Variants in CCR2 observed in about 807,000 individuals in gnomAD.
The protein encoded by CCR2 is C-C motif chemokine receptor 2, also known as C-C chemokine receptor type 2.
For synonymous variants in CCR2, 183 were observed against 177.1 expected (o/e 1.03, Z -0.27); for missense variants, 408 against 440.0 (o/e 0.93, Z 0.65).
Position 46,359,641 on chromosome 3 carries a change from C to G in CCR2, c.*1031C>G, listed in dbSNP as rs1227540393. ...TTGTTTTGTGCTTGCTTTTCCCTGC[C>G]TTGCCACTCCCCTCACTCTTCTCTT... On this transcript the variant is annotated 3_prime_UTR_variant, in exon 2 of 2. Coordinates refer to ENST00000445132, the MANE Select transcript of CCR2 (RefSeq NM_001123396.4). The G allele has an allele frequency of 6.3e-7, 1 of 1,584,746 alleles. No individual in the cohort carries two copies. Among genetic ancestry groups the G allele is most frequent in the African/African-American group, 1.4e-5 (1 of 73,192 alleles).
At chr3:46,357,452 T>G (rs549709222) in intron 1 of CCR2, 25 bp from the exon 2 acceptor site, 1 of 1,473,998 alleles carries the variant, frequency 6.8e-7, no homozygotes, top group South Asian at 1.3e-5. Context: ...TGTTGTGTGG[T>G]CATCATTTTG....
Position 46,357,764 on chromosome 3 carries a change from T to C in CCR2, c.237T>C (p.Ile79=). Residue 79 remains isoleucine (I), a synonymous_variant, in exon 2 of 2, where the codon ATT becomes ATC. Transcript: ENST00000445132. The stretch of plus-strand genomic sequence containing the variant: ...AAAAGCTGAAGTGCTTGACTGACAT[T>C]TACCTGCTCAACCTGGCCATCTCTG... ...NCKKLKCLTD[I]YLLNLAISDL... is the part of the protein sequence containing the mutation. The C allele has an allele frequency of 6.2e-7, 1 of 1,614,192 alleles. No homozygotes were observed. Among genetic ancestry groups the C allele is most frequent in the Non-Finnish European group, 8.5e-7 (1 of 1,180,022 alleles).
At position 46,359,513 on chromosome 3, in the gene CCR2, G is replaced by C; in HGVS notation, c.*903G>C. The C allele has an allele frequency of 2.0e-6, 2 of 976,672 alleles. No homozygotes were observed. Among genetic ancestry groups the C allele is most frequent in the Non-Finnish European group, 2.9e-6 (2 of 687,756 alleles). The allele number at this position is 976,672 out of a possible 1,614,324, so 60.5% of individuals were successfully genotyped here. ...TCACCAGGAGCAAAGGACGGGGATC[G>C]TGTGGAACCACTGCAGAACTATTTC... is the stretch of plus-strand genomic sequence containing the variant. On this transcript the variant is annotated 3_prime_UTR_variant, in exon 2 of 2. Transcript: ENST00000445132.
At chr3:46,357,422 A>C in intron 1 of CCR2, 55 bp from the exon 2 acceptor site, 2 of 1,239,726 alleles carry the variant, frequency 1.6e-6, no homozygotes, top group Non-Finnish European at 1.1e-6. Flanking sequence ...TATTTGGAAG[A>C]TCATGGATTG....
Position 46,357,914 on chromosome 3 carries a change from C to T in CCR2, c.387C>T (p.Phe129=). 6.2e-7 allele frequency: 1 copy of T among 1,614,172 alleles called. No homozygotes were observed. The highest frequency in any genetic ancestry group is 8.5e-7 in the Non-Finnish European group (1 of 1,180,020). The change falls in exon 2 of 2, where the codon TTC becomes TTT. Residue 129 remains phenylalanine, a synonymous_variant. Coordinates refer to ENST00000445132, the MANE Select transcript of CCR2 (RefSeq NM_001123396.4). ...LYHIGYFGGI[F]FIILLTIDRY... ...ACATCGGTTATTTTGGCGGAATCTT[C>T]TTCATCATCCTCCTGACAATCGATA...
At position 46,357,933 on chromosome 3, in the gene CCR2, A is replaced by G. The variant is rs796453205; in HGVS notation, c.406A>G (p.Ile136Val). 1 of 1,614,094 alleles carries G rather than the reference A, an allele frequency of 6.2e-7. No individual in the cohort carries two copies. The highest frequency in any genetic ancestry group is 2.2e-5 in the East Asian group (1 of 44,890). ...GGIFFIILLT[I>V]DRYLAIVHAV... is the part of the protein sequence containing the mutation. Reference sequence around the variant, plus strand: ...AATCTTCTTCATCATCCTCCTGACAATCGATAGATACCTGGCTATTGTCCA... The same window carrying G: ...AATCTTCTTCATCATCCTCCTGACAGTCGATAGATACCTGGCTATTGTCCA... Residue 136 changes from isoleucine (I) to valine (V), a missense_variant, in exon 2 of 2, where the codon ATC (isoleucine) becomes GTC (valine). Coordinates refer to ENST00000445132, the MANE Select transcript of CCR2 (RefSeq NM_001123396.4).
In CCR2 at chr3:46,358,905, C is replaced by G; in HGVS notation, c.*295C>G. The G allele has an allele frequency of 9.0e-7, 1 of 1,113,292 alleles. No homozygotes were observed. The highest frequency in any genetic ancestry group is 1.1e-6 in the Non-Finnish European group (1 of 900,004). The allele number at this position is 1,113,292 out of a possible 1,614,324, so 69.0% of individuals were successfully genotyped here. A position where few individuals can be genotyped will look rare whatever the true frequency, so the allele number is the denominator to read the frequency against. On this transcript the variant is annotated 3_prime_UTR_variant, in exon 2 of 2. Coordinates refer to ENST00000445132, the MANE Select transcript of CCR2 (RefSeq NM_001123396.4). ...TTTTCTAGTCTTCATAATTTCTTCA[C>G]TCAATCTCTGATTCTGTCAATGTCT...
chr3:46,355,588 G>C (rs1201248626), intron 1 of CCR2, among the ~76,000 whole-genome samples: 1 of 152,192 alleles, frequency 6.6e-6, no homozygotes, highest in Non-Finnish European at 1.5e-5. Context: ...GATAGGTTGA[G>C]AGGGAACATG....
chr3:46,357,177 C>A (rs1030148922), intron 1 of CCR2, among the ~76,000 whole-genome samples: 5 of 152,204 alleles, frequency 3.3e-5, no homozygotes, highest in African/African-American at 1.2e-4. Context: ...GAGTCACAGA[C>A]CTATGCACCA....
In CCR2 at chr3:46,358,520, A is replaced by G; in HGVS notation, c.993A>G (p.Gln331=). ...RKHITKRFCK[Q]CPVFYRETVD... ...ACATCACCAAGCGCTTCTGCAAACA[A>G]TGTCCAGTTTTCTACAGGGAGACAG... The change falls in exon 2 of 2, where the codon CAA becomes CAG. Residue 331 remains glutamine, a synonymous_variant. Transcript: ENST00000445132. 1.2e-6 allele frequency: 2 copies of G among 1,613,328 alleles called. No homozygotes were observed. The highest frequency in any genetic ancestry group is 1.7e-5 in the Admixed American group (1 of 59,996).
In CCR2 at chr3:46,359,653, C is replaced by G; in HGVS notation, c.*1043C>G. The G allele has an allele frequency of 1.3e-6, 2 of 1,599,380 alleles. No homozygotes were observed. The highest frequency in any genetic ancestry group is 3.6e-5 in the Admixed American group (2 of 56,028). ...TGCTTTTCCCTGCCTTGCCACTCCC[C>G]TCACTCTTCTCTTTTCCCCACAGCC... On this transcript the variant is annotated 3_prime_UTR_variant, in exon 2 of 2. Coordinates refer to ENST00000445132, the MANE Select transcript of CCR2 (RefSeq NM_001123396.4).
chr3:46,354,439 A>T (rs3918362), intron 1 of CCR2, among the ~76,000 whole-genome samples: 8,633 of 152,230 alleles, frequency 0.057, 388 homozygotes, highest in South Asian at 0.2. Context: ...CTCAGTCACC[A>T]GTCCACACAC....
intron 1 of CCR2, 58 bp from the exon 2 acceptor site, chr3:46,357,419 A>G: frequency 8.3e-7 from 1 of 1,206,818 alleles, no homozygotes; most frequent in Non-Finnish European, 1.2e-6. Context: ...GACTATTTGG[A>G]AGATCATGGA....
Position 46,358,755 on chromosome 3 carries a change from C to T in CCR2, c.*145C>T, listed in dbSNP as rs1038923891. The T allele has an allele frequency of 4.0e-5, 57 of 1,440,182 alleles. No homozygotes were observed. In the South Asian group the frequency reaches 8.4e-4, roughly 21 times the overall value. The allele number at this position is 1,440,182 out of a possible 1,614,324, so 89.2% of individuals were successfully genotyped here. A position where few individuals can be genotyped will look rare whatever the true frequency, so the allele number is the denominator to read the frequency against. ...CTGTGTGTACTAATACAGACTATGT[C>T]ACCCAATGCATATCCAACATGTGCT... On this transcript the variant is annotated 3_prime_UTR_variant, in exon 2 of 2. Transcript: ENST00000445132.
chr3:46,360,858 G>A lies in CCR2; in HGVS notation c.*2248G>A, dbSNP rs1701539365. 1 of 152,246 alleles carries A rather than the reference G, an allele frequency of 6.6e-6. No individual in the cohort carries two copies. Among genetic ancestry groups the A allele is most frequent in the Non-Finnish European group, 1.5e-5 (1 of 68,040 alleles). The allele number at this position is 152,246 out of a possible 1,614,324, so 9.4% of individuals were successfully genotyped here. A position where few individuals can be genotyped will look rare whatever the true frequency, so the allele number is the denominator to read the frequency against. On this transcript the variant is annotated 3_prime_UTR_variant, in exon 2 of 2. Coordinates refer to ENST00000445132, the MANE Select transcript of CCR2 (RefSeq NM_001123396.4). Reference sequence around the variant, plus strand: ...CATAAAATGTTAAGTTGATGGTGATGAAATGTAAATACTGTTTTTAACAAC... The same window carrying A: ...CATAAAATGTTAAGTTGATGGTGATAAAATGTAAATACTGTTTTTAACAAC...
rs1701518781 is a variant in CCR2, at chr3:46,359,724, C to T, written c.*1114C>T. The T allele has an allele frequency of 6.2e-7, 1 of 1,613,876 alleles. No homozygotes were observed. Among genetic ancestry groups the T allele is most frequent in the Admixed American group, 1.7e-5 (1 of 59,972 alleles). ...TGTAGGATTGCCCCACTCCAAAAAC[C>T]AGTGTGTGGAGGTCCAGGAGTGAGA... is the stretch of plus-strand genomic sequence containing the variant. On this transcript the variant is annotated 3_prime_UTR_variant, in exon 2 of 2. Coordinates refer to ENST00000445132, the MANE Select transcript of CCR2 (RefSeq NM_001123396.4).
Position 46,358,489 on chromosome 3 carries a change from G to T in CCR2, c.962G>T (p.Arg321Leu). The change falls in exon 2 of 2, where the codon CGA becomes CTA. Residue 321 changes from arginine to leucine, a missense_variant. Transcript: ENST00000445132. ...KFRRYLSVFF[R>L]KHITKRFCKQ... ...AGAAGGTATCTCTCGGTGTTCTTCC[G>T]AAAGCACATCACCAAGCGCTTCTGC... 2.0e-5 allele frequency: 32 copies of T among 1,613,422 alleles called. No homozygotes were observed. Among genetic ancestry groups the T allele is most frequent in the Non-Finnish European group, 2.6e-5 (31 of 1,179,980 alleles).
At chr3:46,355,967 A>C (rs1285412875) in intron 1 of CCR2, among the ~76,000 whole-genome samples, 1 of 152,252 alleles carries the variant, frequency 6.6e-6, no homozygotes, top group Non-Finnish European at 1.5e-5. Context: ...GCAATGCCCA[A>C]TTTTGCTTCT....
Position 46,357,940 on chromosome 3 carries a change from G to A in CCR2, c.413G>A (p.Arg138Lys), listed in dbSNP as rs778154963. The change falls in exon 2 of 2, where the codon AGA becomes AAA. Residue 138 changes from arginine (R) to lysine (K), a missense_variant. By Grantham distance (26) the Arg-to-Lys change is conservative. Coordinates refer to ENST00000445132, the MANE Select transcript of CCR2 (RefSeq NM_001123396.4). ...IFFIILLTIDRYLAIVHAVFA... is the reference protein window; with the variant it reads ...IFFIILLTIDKYLAIVHAVFA... ...TTCATCATCCTCCTGACAATCGATAGATACCTGGCTATTGTCCATGCTGTG... is the reference window on the plus strand; with the variant it reads ...TTCATCATCCTCCTGACAATCGATAAATACCTGGCTATTGTCCATGCTGTG... 1 of 1,614,202 alleles carries A rather than the reference G, an allele frequency of 6.2e-7. No individual in the cohort carries two copies. The highest frequency in any genetic ancestry group is 1.1e-5 in the South Asian group (1 of 91,074).
Sources: allele counts gnomAD v4.1 joint callset (sites outside exome capture counted in the v4.1 genomes callset), GRCh38; gene constraint gnomAD v4.1.1; transcripts MANE v1.5; gene names NCBI Gene and HGNC (gene_info 2026-07-23, HGNC 2026-07-21).